SFMBT1: variants seen among roughly 807,000 people sequenced by gnomAD.
The protein encoded by SFMBT1 is Scm like with four mbt domains 1.
In SFMBT1, 32 loss-of-function variants were observed where a neutral mutation model predicts 108.7. The observed-to-expected ratio is 0.29, with a 90% CI of 0.22 to 0.40. SFMBT1 has a LOEUF of 0.40. SFMBT1 is among the 10% of genes least tolerant of loss of function. The pLI is 1.00. For synonymous variants in SFMBT1, 348 were observed against 369.5 expected (o/e 0.94, Z 0.67); for missense variants, 816 against 1,059.6 (o/e 0.77, Z 3.19).
chr3:53,001,894 C>T (rs114503395), intron 1 of SFMBT1, among the ~76,000 whole-genome samples: 3,551 of 144,522 alleles, frequency 0.025, 292 homozygotes, highest in Non-Finnish European at 0.038. Context: ...CACCGCATTC[C>T]GGCCTGGGCA....
chr3:52,981,980 C>G (rs1704727667), intron 1 of SFMBT1, among the ~76,000 whole-genome samples: 1 of 152,070 alleles, frequency 6.6e-6, no homozygotes, highest in African/African-American at 2.4e-5. Flanking sequence ...CAGGAAGTAC[C>G]TTGCCAGTAA....
chr3:52,934,361 C>T (rs1344702026), intron 5 of SFMBT1, among the ~76,000 whole-genome samples: 1 of 147,422 alleles, frequency 6.8e-6, no homozygotes, highest in Admixed American at 6.8e-5. Context: ...TTAAAGGCCA[C>T]ACTAATTTAA....
intron 8 of SFMBT1, among the ~76,000 whole-genome samples, chr3:52,929,528 C>T (rs1702794021): frequency 6.6e-6 from 1 of 152,204 alleles, no homozygotes; most frequent in Admixed American, 6.5e-5. Context: ...CGTGAGCCAC[C>T]ACACCCGGCC....
At chr3:53,033,789 C>T (rs1396386564) in intron 1 of SFMBT1, among the ~76,000 whole-genome samples, 5 of 150,324 alleles carry the variant, frequency 3.3e-5, no homozygotes, top group Non-Finnish European at 5.9e-5. Context: ...AAAAAAATCA[C>T]CCTGGCGCAG....
At position 52,903,672 on chromosome 3, in the gene SFMBT1, A is replaced by C. The variant is rs867283175; in HGVS notation, c.*1464T>G. Reference sequence around the variant, plus strand: ...TCTTGAGGAAGAATGATTGGGTTATAAATTTGCAGGTGATTAGGATAAAAA... The same window carrying C: ...TCTTGAGGAAGAATGATTGGGTTATCAATTTGCAGGTGATTAGGATAAAAA... On this transcript the variant is annotated 3_prime_UTR_variant, in exon 21 of 21. Transcript: ENST00000394752. 70 of 152,258 alleles carry C rather than the reference A, an allele frequency of 4.6e-4. No individual in the cohort carries two copies. The highest frequency in any genetic ancestry group is 1.5e-3 in the African/African-American group (64 of 41,468). The allele number at this position is 152,258 out of a possible 1,614,324, so 9.4% of individuals were successfully genotyped here. A position where few individuals can be genotyped will look rare whatever the true frequency, so the allele number is the denominator to read the frequency against.
intron 4 of SFMBT1, among the ~76,000 whole-genome samples, chr3:52,937,668 C>T (rs1261766497): frequency 2.0e-5 from 3 of 151,828 alleles, no homozygotes; most frequent in Non-Finnish European, 4.4e-5. Flanking sequence ...CGGCAACCTC[C>T]GCCTCCCGGG....
At chr3:52,992,818 G>A (rs531940485) in intron 1 of SFMBT1, among the ~76,000 whole-genome samples, 5 of 152,328 alleles carry the variant, frequency 3.3e-5, no homozygotes, top group Admixed American at 2.0e-4. Flanking sequence ...GGACCCTCTA[G>A]AAGAGCATTT....
chr3:53,017,941 T>C (rs1016272397), intron 1 of SFMBT1: 6 of 152,078 alleles, frequency 3.9e-5, no homozygotes, highest in African/African-American at 9.7e-5. Context: ...ACTTAGAAAA[T>C]TGAAGAATAG....
At chr3:52,906,710 G>C (rs1702073237) in intron 19 of SFMBT1, among the ~76,000 whole-genome samples, 1 of 152,102 alleles carries the variant, frequency 6.6e-6, no homozygotes, top group Admixed American at 6.5e-5. Context: ...GGCTTAACCA[G>C]AATCAAAAGG....
At chr3:52,917,833 A>C (rs1233967590) in intron 13 of SFMBT1, among the ~76,000 whole-genome samples, 1 of 152,104 alleles carries the variant, frequency 6.6e-6, no homozygotes, top group Non-Finnish European at 1.5e-5. Flanking sequence ...CTGTAGAAAA[A>C]CTGTCTTCCA....
Position 52,955,080 on chromosome 3 carries a change from T to C in SFMBT1, c.29-669A>G, listed in dbSNP as rs1014971788. The stretch of plus-strand genomic sequence containing the variant: ...AAGATCAGAATAGAACTGAAGGAGA[T>C]AGAGACACGAAAAACCCTTCAAAAA... On this transcript the variant is annotated intron_variant, in intron 2 of 20. Transcript: ENST00000394752. Among the ~76,000 whole-genome samples the C allele has an allele frequency of 3.3e-5, 5 of 151,884 alleles. No homozygotes were observed. The East Asian group carries it at 5.8e-4, about 18-fold the overall frequency.
intron 10 of SFMBT1, among the ~76,000 whole-genome samples, chr3:52,923,882 G>A (rs1373396268): frequency 6.7e-6 from 1 of 148,342 alleles, no homozygotes; most frequent in Non-Finnish European, 1.5e-5. Context: ...GAAAGAAAGT[G>A]CCCACTGAGA....
chr3:52,966,987 C>A (rs1039419641), intron 2 of SFMBT1, among the ~76,000 whole-genome samples: 3 of 149,218 alleles, frequency 2.0e-5, no homozygotes, highest in African/African-American at 7.4e-5. Context: ...CCTAAAGTAA[C>A]CACCAATAAG....
rs956503623 is a variant in SFMBT1, at chr3:52,985,730, C to T, written c.-130-16472G>A. ...CGGCCTACTATACACCTAGGCTATA[C>T]GGTGTAGCCTATTGCCCCTAGGCTA... On this transcript the variant is annotated intron_variant, in intron 1 of 20. Coordinates refer to ENST00000394752, the MANE Select transcript of SFMBT1 (RefSeq NM_016329.4). 2.4e-4 allele frequency among the ~76,000 whole-genome samples: 36 copies of T among 152,170 alleles called. 1 individual carries two copies. The highest frequency in any genetic ancestry group is 6.2e-4 in the South Asian group (3 of 4,834).
intron 3 of SFMBT1, among the ~76,000 whole-genome samples, chr3:52,947,366 C>T (rs1482001135): frequency 1.3e-5 from 2 of 152,184 alleles, no homozygotes; most frequent in East Asian, 3.9e-4. Flanking sequence ...ATCCGCCCGC[C>T]TCGGCCTCCC....
At chr3:52,971,147 A>T (rs1221335180) in intron 1 of SFMBT1, among the ~76,000 whole-genome samples, 3 of 152,158 alleles carry the variant, frequency 2.0e-5, no homozygotes, top group African/African-American at 7.2e-5. Context: ...GTCTCAAAAA[A>T]AAAAAAGTGG....
intron 1 of SFMBT1, among the ~76,000 whole-genome samples, chr3:52,974,600 C>T (rs1575412987): frequency 6.6e-6 from 1 of 152,194 alleles, no homozygotes; most frequent in East Asian, 1.9e-4. Context: ...TAACCCACTG[C>T]TACATGTCTG....
intron 1 of SFMBT1, among the ~76,000 whole-genome samples, chr3:53,006,818 A>G (rs1698760814): frequency 6.6e-6 from 1 of 152,220 alleles, no homozygotes; most frequent in Admixed American, 6.5e-5. Flanking sequence ...ACTTTTGCTT[A>G]CATAATCTCA....
intron 3 of SFMBT1, among the ~76,000 whole-genome samples, chr3:52,948,607 A>G (rs1703457814): frequency 1.3e-5 from 2 of 151,176 alleles, no homozygotes; most frequent in African/African-American, 4.8e-5. Context: ...TACATCAGTA[A>G]TGAATTGGAG....
Sources: gnomAD v4.1 joint callset for allele counts (sites outside exome capture counted in the v4.1 genomes callset) on GRCh38, gnomAD v4.1.1 for gene constraint, MANE v1.5 for transcripts, NCBI Gene and HGNC (gene_info 2026-07-23, HGNC 2026-07-21) for gene names.